Variants in LAT observed in about 807,000 individuals in gnomAD.
The protein encoded by LAT is linker for activation of T-cells family member 1.
A neutral mutation model predicts 39.1 loss-of-function variants in LAT; 12 were observed. That is an observed-to-expected ratio of 0.31 (90% CI 0.20 to 0.50). The LOEUF (loss-of-function observed/expected upper bound fraction) is 0.50. LAT is among the 20% of genes least tolerant of loss of function. The pLI is 0.98. For missense variants in LAT, 253 were observed against 308.0 expected, an observed-to-expected ratio of 0.82 and a Z score of 1.34; for synonymous variants, 117 against 123.8, an observed-to-expected ratio of 0.95 and a Z score of 0.36.
At chr16:28,988,410 C>A (rs1965807447) in intron 8 of LAT, 1 of 152,408 alleles carries the variant, frequency 6.6e-6, no homozygotes, top group African/African-American at 2.4e-5. Flanking sequence ...AAACAAGAAA[C>A]ACATAAAAGA....
rs1474510367 is a variant in LAT, at chr16:28,989,854, AG to A, written c.622+19del. ...GACTGAGCCTGGTGTGTTCTGCGGG[AG>A]GGGCAGGAGCTGGGGTAGCTGCTTT... On this transcript the variant is annotated intron_variant, in intron 10 of 11. Transcript: ENST00000395456. The A allele has an allele frequency of 3.1e-6, 5 of 1,613,808 alleles. No individual in the cohort carries two copies. The highest frequency in any genetic ancestry group is 4.2e-6 in the Non-Finnish European group (5 of 1,179,954).
At chr16:28,984,865 G>A (rs983901223), upstream of LAT, 122 of 1,550,008 alleles carry the variant, frequency 7.9e-5, no homozygotes, top group Non-Finnish European at 1.0e-4. Context: ...CCTGGATATG[G>A]AGGCCACGGC....
At position 28,989,740 on chromosome 16, in the gene LAT, C is replaced by T. The variant is rs751029944; in HGVS notation, c.557-34C>T. On this transcript the variant is annotated intron_variant, in intron 9 of 11. Coordinates refer to ENST00000395456, the MANE Select transcript of LAT (RefSeq NM_001014987.2). The stretch of plus-strand genomic sequence containing the variant: ...CTCTCTCGCCCTCCTGACCCCTTTG[C>T]GTGGCTGCCCCTCCTTCTGATCTGT... 8.1e-6 allele frequency: 13 copies of T among 1,612,132 alleles called. No individual in the cohort carries two copies. In the East Asian group the frequency reaches 1.3e-4, roughly 17 times the overall value.
In LAT at chr16:28,986,774, A is replaced by G. The variant is rs754296935; in HGVS notation, c.399-25A>G. ...TGAGGCTGTGCGTCCCCCCTTGCTCACCGGCCCTTTTCACTTCCTTTCAGG... is the reference window on the plus strand; with the variant it reads ...TGAGGCTGTGCGTCCCCCCTTGCTCGCCGGCCCTTTTCACTTCCTTTCAGG... On this transcript the variant is annotated intron_variant, in intron 7 of 11. Coordinates refer to ENST00000395456, the MANE Select transcript of LAT (RefSeq NM_001014987.2). This position sits in a 1 kb window ranked among gnomAD's most constrained non-coding sequence, Gnocchi z 5.7. 6 of 1,611,804 alleles carry G rather than the reference A, an allele frequency of 3.7e-6. No homozygotes were observed. Among genetic ancestry groups the G allele is most frequent in the Non-Finnish European group, 5.1e-6 (6 of 1,178,662 alleles).
At position 28,986,431 on chromosome 16, in the gene LAT, C is replaced by A; in HGVS notation, c.295C>A (p.Arg99=). Residue 99 remains arginine (R), a synonymous_variant, in exon 5 of 12, where the codon CGG becomes AGG. Transcript: ENST00000395456. The surrounding 1 kb of genome is among the most constrained non-coding windows in gnomAD (Gnocchi z 5.7). ...CTCCCACCGGACGCCATCTTCCCGG[C>A]GGGATTCTGATGGTGGTAAGTGTGG... ...GGSHRTPSSR[R]DSDGANSVAS... The A allele has an allele frequency of 6.2e-7, 1 of 1,613,910 alleles. No individual in the cohort carries two copies.
In LAT at chr16:28,990,296, A is replaced by G. The variant is rs938533390; in HGVS notation, c.*115A>G. The G allele has an allele frequency of 9.2e-6, 6 of 653,134 alleles. No individual in the cohort carries two copies. In the African/African-American group the frequency reaches 1.1e-4, roughly 12 times the overall value. 40.5% of individuals were successfully genotyped at this position (653,134 alleles called of 1,614,324 possible). ...GGCGTCCTGCCCTTGCTCCAGCCTG[A>G]CAACAGCCTGAGAAATCCCCCCGTA... is the stretch of plus-strand genomic sequence containing the variant. On this transcript the variant is annotated 3_prime_UTR_variant, in exon 12 of 12. Coordinates refer to ENST00000395456, the MANE Select transcript of LAT (RefSeq NM_001014987.2).
At chr16:28,984,817 C>G (rs1017856816), upstream of LAT, 5 of 1,538,446 alleles carry the variant, frequency 3.3e-6, no homozygotes, top group Non-Finnish European at 4.4e-6. Flanking sequence ...CCCAGAATTC[C>G]CACTGTCAGG....
In LAT at chr16:28,986,619, G is replaced by A. The variant is rs145698858; in HGVS notation, c.341-38G>A. The A allele has an allele frequency of 2.0e-3, 3,225 of 1,613,936 alleles. 4 individuals carry two copies. Among genetic ancestry groups the A allele is most frequent in the Non-Finnish European group, 2.4e-3 (2,775 of 1,179,958 alleles). On this transcript the variant is annotated intron_variant, in intron 6 of 11. Coordinates refer to ENST00000395456, the MANE Select transcript of LAT (RefSeq NM_001014987.2). The surrounding 1 kb of genome is among the most constrained non-coding windows in gnomAD (Gnocchi z 5.7). ...AGGCTGGGTGGGGAGTCTGGGGTCCGTCCTGGACTAGGCTGACCCCTGTGT... is the reference window on the plus strand; with the variant it reads ...AGGCTGGGTGGGGAGTCTGGGGTCCATCCTGGACTAGGCTGACCCCTGTGT...
At chr16:28,988,091 T>TAA (rs753398649) in intron 8 of LAT, 2 of 139,140 alleles carry the variant, frequency 1.4e-5, no homozygotes, top group Non-Finnish European at 3.1e-5. Context: ...GACCTTGTGT[T>TAA]AAAAAAAAAA....
In LAT at chr16:28,986,328, G is replaced by A; in HGVS notation, c.246-54G>A. On this transcript the variant is annotated intron_variant, in intron 4 of 11. Transcript: ENST00000395456. The surrounding 1 kb of genome is among the most constrained non-coding windows in gnomAD (Gnocchi z 5.7). ...GGGGGCCCCTTTCCCTTTTGCAACT[G>A]CTGTTGCCCCCTGAGCCCCACCTCA... 1 of 1,598,846 alleles carries A rather than the reference G, an allele frequency of 6.3e-7. No individual in the cohort carries two copies.
intron 10 of LAT, 26 bp from the exon 11 acceptor site, chr16:28,989,907 G>A: frequency 6.2e-7 from 1 of 1,613,770 alleles, no homozygotes; most frequent in African/African-American, 1.3e-5. Flanking sequence ...CTTGCAAGCT[G>A]GAGACCAACC....
chr16:28,984,856 C>T (rs1383907628), upstream of LAT: 2 of 1,550,466 alleles, frequency 1.3e-6, no homozygotes, highest in South Asian at 1.2e-5. Flanking sequence ...TCCCCGGGTC[C>T]TGGATATGGA....
chr16:28,989,887 G>T, intron 10 of LAT, 46 bp from the exon 11 acceptor site: 1 of 1,613,674 alleles, frequency 6.2e-7, no homozygotes, highest in Non-Finnish European at 8.5e-7. Context: ...CTTTGGGCTT[G>T]GGGGGATAGC....
In LAT at chr16:28,986,790, T is replaced by A. The variant is rs4788115; in HGVS notation, c.399-9T>A. On this transcript the variant is annotated splice_polypyrimidine_tract_variant and intron_variant, in intron 7 of 11. Transcript: ENST00000395456. This position sits in a 1 kb window ranked among gnomAD's most constrained non-coding sequence, Gnocchi z 5.7. ...CCCTTGCTCACCGGCCCTTTTCACT[T>A]CCTTTCAGGGTGGTGCTTCCTGACA... 257,258 of 1,613,090 alleles carry A rather than the reference T, an allele frequency of 0.16. 22,627 individuals carry two copies. The highest frequency in any genetic ancestry group is 0.18 in the East Asian group (8,038 of 44,854).
At chr16:28,989,283 G>T in intron 8 of LAT, 1 of 505,648 alleles carries the variant, frequency 2.0e-6, no homozygotes, top group Non-Finnish European at 3.5e-6. Context: ...CAGTCAAGTG[G>T]ACCTCCTCCC....
At position 28,990,410 on chromosome 16, in the gene LAT, C is replaced by T. The variant is rs572530726; in HGVS notation, c.*229C>T. 2.5e-6 allele frequency: 1 copy of T among 406,178 alleles called. No individual in the cohort carries two copies. Among genetic ancestry groups the T allele is most frequent in the Non-Finnish European group, 4.8e-6 (1 of 207,604 alleles). 25.2% of individuals were successfully genotyped at this position (406,178 alleles called of 1,614,324 possible). On this transcript the variant is annotated 3_prime_UTR_variant, in exon 12 of 12. Coordinates refer to ENST00000395456, the MANE Select transcript of LAT (RefSeq NM_001014987.2). ...TGAGAATGACCTGCCCTGGCCCCAG[C>T]CCTACTCTGTGTAATAGAATAAAGG... is the stretch of plus-strand genomic sequence containing the variant.
In LAT at chr16:28,985,675, A is replaced by G. The variant is rs755569515; in HGVS notation, c.101-38A>G. The G allele has an allele frequency of 2.1e-4, 338 of 1,611,916 alleles. 1 individual carries two copies. The highest frequency in any genetic ancestry group is 2.6e-4 in the Non-Finnish European group (306 of 1,179,546). On this transcript the variant is annotated intron_variant, in intron 1 of 11. Transcript: ENST00000395456. This position sits in a 1 kb window ranked among gnomAD's most constrained non-coding sequence, Gnocchi z 4.6. Reference sequence around the variant, plus strand: ...GATCCCAGCACCTTCTGCCCTAAGCACCCCCTGTTCCTGCCTCACCAGCCC... The same window carrying G: ...GATCCCAGCACCTTCTGCCCTAAGCGCCCCCTGTTCCTGCCTCACCAGCCC...
At chr16:28,989,753 C>T (rs1965831670) in intron 9 of LAT, 21 bp from the exon 10 acceptor site, 2 of 1,613,808 alleles carry the variant, frequency 1.2e-6, no homozygotes, top group Middle Eastern at 1.6e-4. Context: ...GGCTGCCCCT[C>T]CTTCTGATCT....
chr16:28,987,417 GTTAA>G (rs1485903871), intron 8 of LAT: 3 of 152,554 alleles, frequency 2.0e-5, no homozygotes, highest in African/African-American at 7.2e-5. Flanking sequence ...CTCTAAGGAT[GTTAA>G]TTAGAGGCTG....
Sources: gnomAD v4.1 joint callset for allele counts on GRCh38, gnomAD v4.1.1 for gene constraint, Gnocchi (gnomAD v3.1) non-coding constraint, MANE v1.5 for transcripts, NCBI Gene and HGNC (gene_info 2026-07-23, HGNC 2026-07-21) for gene names.